Variants in UNC79 observed in about 807,000 individuals in gnomAD.
UNC79 encodes unc-79 subunit of NALCN channel complex.
In UNC79, 37 loss-of-function variants were observed where a neutral mutation model predicts 283.1. The ratio of observed to expected loss-of-function variants is 0.13; its 90% CI spans 0.10 to 0.17. The LOEUF (loss-of-function observed/expected upper bound fraction) is 0.17, where lower values mean the gene tolerates loss of function less well. Ranked by LOEUF, UNC79 falls within the 10% of genes least tolerant of loss-of-function variation. The pLI, the probability that UNC79 is intolerant of heterozygous loss-of-function variation, is 1.00. For synonymous variants in UNC79, 1,107 were observed against 1,200.2 expected (o/e 0.92, Z 1.61); for missense variants, 2,272 against 3,211.1 (o/e 0.71, Z 7.07).
At chr14:93,620,855 C>G in intron 29 of UNC79, 37 bp from the exon 31 acceptor site, 1 of 498,526 alleles carries the variant, frequency 2.0e-6, no homozygotes, top group Middle Eastern at 3.3e-4. Flanking sequence ...AGAGAATAAC[C>G]TCTTAAGTGT....
At chr14:93,357,210 T>G (rs140218448) in intron 1 of UNC79, among the ~76,000 whole-genome samples, 2 of 152,350 alleles carry the variant, frequency 1.3e-5, no homozygotes, top group Non-Finnish European at 2.9e-5. Context: ...CATGATCTCC[T>G]TTGTTTTCAT....
Position 93,572,829 on chromosome 14 carries a change from T to TA in UNC79, c.2070+14dup. 1 of 1,612,258 alleles carries TA rather than the reference T, an allele frequency of 6.2e-7. No individual in the cohort carries two copies. The highest frequency in any genetic ancestry group is 8.5e-7 in the Non-Finnish European group (1 of 1,179,458). ...ACTGTGGCTTCATGTAAGTGAATAA[T>TA]ACTTTCGATCATTTTAGGAAATAGT... On this transcript the variant is annotated intron_variant, in intron 16 of 48. Transcript: ENST00000555664.
chr14:93,552,318 C>T (rs1438807125), intron 14 of UNC79, among the ~76,000 whole-genome samples: 1 of 152,110 alleles, frequency 6.6e-6, no homozygotes, highest in Non-Finnish European at 1.5e-5. Context: ...AGTTATTAGG[C>T]TCAAAGCATC....
intron 14 of UNC79, among the ~76,000 whole-genome samples, chr14:93,553,432 A>T (rs1595847092): frequency 6.6e-6 from 1 of 152,222 alleles, no homozygotes; most frequent in East Asian, 1.9e-4. Flanking sequence ...TTTTCCCTCT[A>T]TTCTAATGGC....
intron 35 of UNC79, among the ~76,000 whole-genome samples, chr14:93,651,476 G>T (rs1420009411): frequency 2.6e-5 from 4 of 151,830 alleles, no homozygotes; most frequent in Non-Finnish European, 5.9e-5. Flanking sequence ...TCAGTGTAGA[G>T]GTCTTGCCAT....
At chr14:93,659,960 A>G (rs1169488294) in intron 39 of UNC79, among the ~76,000 whole-genome samples, 1 of 152,160 alleles carries the variant, frequency 6.6e-6, no homozygotes, top group African/African-American at 2.4e-5. Context: ...TTCCTGTATC[A>G]GCTTCCATGG....
chr14:93,631,024 G>A (rs2067990136), intron 31 of UNC79, 116 bp downstream of exon 33: 2 of 954,588 alleles, frequency 2.1e-6, no homozygotes, highest in African/African-American at 3.3e-5. Context: ...TGTTGCATCA[G>A]CTTCCTTGGT....
At chr14:93,665,735 T>C (rs2072126660) in intron 40 of UNC79, among the ~76,000 whole-genome samples, 1 of 151,632 alleles carries the variant, frequency 6.6e-6, no homozygotes, top group South Asian at 2.1e-4. Context: ...GTCTTTAAAA[T>C]GATAAGAAAA....
At chr14:93,568,405 G>A (rs894946846) in intron 14 of UNC79, among the ~76,000 whole-genome samples, 4 of 152,070 alleles carry the variant, frequency 2.6e-5, no homozygotes, top group African/African-American at 9.7e-5. Flanking sequence ...CAGGTGTGGG[G>A]GCTCACACCT....
intron 41 of UNC79, among the ~76,000 whole-genome samples, chr14:93,679,826 G>A (rs532856882): frequency 3.9e-5 from 6 of 152,280 alleles, no homozygotes; most frequent in Middle Eastern, 6.8e-3. Context: ...TTTCCCTCAA[G>A]GTACAGAACT....
intron 1 of UNC79, among the ~76,000 whole-genome samples, chr14:93,362,554 G>A (rs570828412): frequency 6.6e-6 from 1 of 152,128 alleles, no homozygotes; most frequent in East Asian, 1.9e-4. Flanking sequence ...TTACCATGTT[G>A]GCCAGGCTAG....
intron 1 of UNC79, among the ~76,000 whole-genome samples, chr14:93,421,256 GA>G (rs1156600815): frequency 1.1e-4 from 17 of 151,764 alleles, no homozygotes; most frequent in African/African-American, 4.1e-4. Context: ...AATAGGAGAT[GA>G]AAATGGAGAC....
chr14:93,389,300 C>A (rs1420133648), intron 1 of UNC79, among the ~76,000 whole-genome samples: 1 of 152,134 alleles, frequency 6.6e-6, no homozygotes, highest in Non-Finnish European at 1.5e-5. Context: ...CATGACAGAG[C>A]TACAGGGTTA....
chr14:93,595,276 G>A (rs902468880), intron 23 of UNC79, among the ~76,000 whole-genome samples: 26 of 151,988 alleles, frequency 1.7e-4, no homozygotes, highest in African/African-American at 4.8e-4. Flanking sequence ...TTTTACTAGA[G>A]ATGGGGTTTC....
intron 34 of UNC79, among the ~76,000 whole-genome samples, chr14:93,644,788 T>C (rs1336448090): frequency 6.6e-6 from 1 of 152,198 alleles, no homozygotes; most frequent in Non-Finnish European, 1.5e-5. Context: ...CATTATAAAC[T>C]CCTCAACCCC....
At chr14:93,610,137 G>C (rs59127075) in intron 26 of UNC79, among the ~76,000 whole-genome samples, 17 of 150,824 alleles carry the variant, frequency 1.1e-4, no homozygotes, top group South Asian at 6.2e-4. Context: ...TGAGAAGAAG[G>C]GTTTTTAAAT....
rs777626471 is a variant in UNC79, at chr14:93,582,192, G to A, written c.2662-11G>A. ...GGCTGCTTACCTGGCTGCCTGTCCTGTTTATTTCAGGAGCCCACAGACAGC... is the reference window on the plus strand; with the variant it reads ...GGCTGCTTACCTGGCTGCCTGTCCTATTTATTTCAGGAGCCCACAGACAGC... On this transcript the variant is annotated splice_polypyrimidine_tract_variant and intron_variant, in intron 19 of 48. Transcript: ENST00000555664. The A allele has an allele frequency of 3.7e-6, 6 of 1,614,024 alleles. No homozygotes were observed. The South Asian group carries it at 6.6e-5, about 18-fold the overall frequency.
intron 1 of UNC79, among the ~76,000 whole-genome samples, chr14:93,367,168 T>C (rs1482956168): frequency 6.6e-6 from 1 of 151,866 alleles, no homozygotes; most frequent in Non-Finnish European, 1.5e-5. Context: ...AAATCTATTA[T>C]CACATAGGAA....
Position 93,618,373 on chromosome 14 carries a change from T to A in UNC79, c.4387+19T>A. 6.3e-7 allele frequency: 1 copy of A among 1,592,536 alleles called. No homozygotes were observed. Among genetic ancestry groups the A allele is most frequent in the Non-Finnish European group, 8.5e-7 (1 of 1,171,610 alleles). On this transcript the variant is annotated intron_variant, in intron 29 of 48. Coordinates refer to ENST00000555664, the Ensembl canonical transcript of UNC79. ...GAAAAAGGTACATATCTAAATTCTATCCCAAACCTAGCTTCAATACATAAT... is the reference window on the plus strand; with the variant it reads ...GAAAAAGGTACATATCTAAATTCTAACCCAAACCTAGCTTCAATACATAAT...
Sources: allele counts gnomAD v4.1 joint callset (sites outside exome capture counted in the v4.1 genomes callset), GRCh38; gene constraint gnomAD v4.1.1; transcripts MANE v1.5; gene names NCBI Gene and HGNC (gene_info 2026-07-23, HGNC 2026-07-21).